DNMT1: variants seen among roughly 807,000 people sequenced by gnomAD.
The protein encoded by DNMT1 is DNA methyltransferase 1, also known as DNA (cytosine-5)-methyltransferase 1.
In DNMT1, 24 loss-of-function variants were observed where a neutral mutation model predicts 205.3. The ratio of observed to expected loss-of-function variants is 0.12; its 90% confidence interval spans 0.08 to 0.16. The LOEUF (loss-of-function observed/expected upper bound fraction) is 0.16, where lower values mean the gene tolerates loss of function less well. DNMT1 is among the 10% of genes least tolerant of loss of function. The pLI is 1.00. For missense variants in DNMT1, 1,293 were observed against 2,177.7 expected (o/e 0.59, Z 8.09); for synonymous variants, 817 against 839.8 (o/e 0.97, Z 0.47).
chr19:10,182,391 ATG>A (rs1328694591), intron 1 of DNMT1, among the ~76,000 whole-genome samples: 13 of 88,622 alleles, frequency 1.5e-4, no homozygotes, highest in Admixed American at 1.1e-3. Flanking sequence ...ATACATATAT[ATG>A]TGTATATATA....
At position 10,149,478 on chromosome 19, in the gene DNMT1, G is replaced by A. The variant is rs1177086967; in HGVS notation, c.2561C>T (p.Ala854Val). Residue 854 changes from alanine (A) to valine (V), a missense_variant, in exon 26 of 41, where the codon GCC (alanine) becomes GTC (valine). Ala to Val is a moderately conservative substitution (Grantham distance 64). This residue lies in a region of DNMT1 where 197 missense variants were observed against 353.6 expected (regional missense o/e 0.56). Coordinates refer to ENST00000359526, the MANE Select transcript of DNMT1 (RefSeq NM_001130823.3). ...IHSKVKVIYKAPSENWAMEGG... is the reference protein window; with the variant it reads ...IHSKVKVIYKVPSENWAMEGG... Reference sequence around the variant, plus strand: ...CTCCATGGCCCAGTTTTCGGAGGGGGCTTTGTAGATGACTTTCACTTTGCT... The same window carrying A: ...CTCCATGGCCCAGTTTTCGGAGGGGACTTTGTAGATGACTTTCACTTTGCT... 1 of 1,614,014 alleles carries A rather than the reference G, an allele frequency of 6.2e-7. No homozygotes were observed. The highest frequency in any genetic ancestry group is 8.5e-7 in the Non-Finnish European group (1 of 1,180,012).
rs892069897 is a variant in DNMT1 at position 10,161,342 on chromosome 19, T to C, written c.1009-924A>G. 1.1e-4 allele frequency among the ~76,000 whole-genome samples: 16 copies of C among 150,260 alleles called. No homozygotes were observed. The East Asian group carries it at 3.0e-3, about 28-fold the overall frequency. The stretch of plus-strand genomic sequence containing the variant: ...ATAAGTAAATAAATAAATAAATAAA[T>C]AAATAAATAAATAAATAAATAACTG... On this transcript the variant is annotated intron_variant, in intron 13 of 40. Transcript: ENST00000359526.
chr19:10,187,737 A>G (rs1388177893), intron 1 of DNMT1, among the ~76,000 whole-genome samples: 1 of 151,138 alleles, frequency 6.6e-6, no homozygotes, highest in African/African-American at 2.4e-5. Context: ...GTGTGGTGGC[A>G]TGCACCTATA....
rs905221708 is a variant in DNMT1, at chr19:10,156,673, G to A, written c.1281-164C>T. 2.6e-5 allele frequency among the ~76,000 whole-genome samples: 4 copies of A among 152,186 alleles called. No individual in the cohort carries two copies. The highest frequency in any genetic ancestry group is 2.9e-5 in the Non-Finnish European group (2 of 67,994). Reference sequence around the variant, plus strand: ...TGCTCTATCCCTCAGGCTGGAGCGCGATGGCATAATCTTGGCTCACTGCAG... The same window carrying A: ...TGCTCTATCCCTCAGGCTGGAGCGCAATGGCATAATCTTGGCTCACTGCAG... On this transcript the variant is annotated intron_variant, in intron 17 of 40. Coordinates refer to ENST00000359526, the MANE Select transcript of DNMT1 (RefSeq NM_001130823.3). This position sits in a 1 kb window ranked among gnomAD's most constrained non-coding sequence, Gnocchi z 4.2.
chr19:10,167,866 C>G (rs1274941910), intron 10 of DNMT1, among the ~76,000 whole-genome samples: 1 of 151,938 alleles, frequency 6.6e-6, no homozygotes, highest in African/African-American at 2.4e-5. Flanking sequence ...AACTTCACCC[C>G]GTAATCCCAG....
In DNMT1 at chr19:10,156,590, C is replaced by A. The variant is rs10423341; in HGVS notation, c.1281-81G>T. 0.11 allele frequency: 105,449 copies of A among 981,090 alleles called. 9,233 individuals are homozygous for A. The highest frequency in any genetic ancestry group is 0.37 in the East Asian group (14,995 of 41,082). The allele number at this position is 981,090 out of a possible 1,614,324, so 60.8% of individuals were successfully genotyped here. On this transcript the variant is annotated intron_variant, in intron 17 of 40. Coordinates refer to ENST00000359526, the MANE Select transcript of DNMT1 (RefSeq NM_001130823.3). This position sits in a 1 kb window ranked among gnomAD's most constrained non-coding sequence, Gnocchi z 4.2. ...TGCAGACTTCAGATCAGGCACGAGG[C>A]AATGAGAGAATGTACAAGTCTGACA... is the stretch of plus-strand genomic sequence containing the variant.
In DNMT1 at chr19:10,177,393, A is replaced by G. The variant is rs746135351; in HGVS notation, c.494-26T>C. ...CTGTTTAAAGAAGAAAAAGCATTAA[A>G]AAGAAAAAAAAAAGCCACTATCAAT... On this transcript the variant is annotated intron_variant, in intron 5 of 40. Coordinates refer to ENST00000359526, the MANE Select transcript of DNMT1 (RefSeq NM_001130823.3). The G allele has an allele frequency of 4.4e-5, 70 of 1,605,592 alleles. No homozygotes were observed. The South Asian group carries it at 6.8e-4, about 15-fold the overall frequency.
rs760739305 is a variant in DNMT1 at position 10,194,801 on chromosome 19, TC to T, written c.80+18del. Reference sequence around the variant, plus strand: ...CCTGCCTGTCCCCCTGAGTCCGTGTTCCCCCCCATGGTACCTACCGCCTGCG... The same window carrying T: ...CCTGCCTGTCCCCCTGAGTCCGTGTTCCCCCCATGGTACCTACCGCCTGCG... On this transcript the variant is annotated intron_variant, in intron 1 of 40. Transcript: ENST00000359526. 3.1e-6 allele frequency: 5 copies of T among 1,609,374 alleles called. No homozygotes were observed. The highest frequency in any genetic ancestry group is 1.7e-5 in the Admixed American group (1 of 59,774).
chr19:10,142,528 T>A (rs902271145), intron 29 of DNMT1, among the ~76,000 whole-genome samples: 1 of 145,392 alleles, frequency 6.9e-6, no homozygotes, highest in Non-Finnish European at 1.5e-5. Context: ...CCCCTCCCAG[T>A]AAGGGAATCA....
rs530175826 is a variant in DNMT1, at chr19:10,169,606, AC to A, written c.769-1243del. On this transcript the variant is annotated intron_variant, in intron 9 of 40. Coordinates refer to ENST00000359526, the MANE Select transcript of DNMT1 (RefSeq NM_001130823.3). ...AAATAACCCCGTCTCTACTAAAAAT[AC>A]AAAAAAAAATTAGCCTGGCGTGGTA... 5.3e-5 allele frequency among the ~76,000 whole-genome samples: 8 copies of A among 151,598 alleles called. No homozygotes were observed. In the South Asian group the frequency reaches 1.7e-3, roughly 32 times the overall value.
chr19:10,143,742 G>A, intron 29 of DNMT1, 24 bp downstream of exon 29: 1 of 1,611,680 alleles, frequency 6.2e-7, no homozygotes, highest in Non-Finnish European at 8.5e-7. Flanking sequence ...GTGGCCTCGT[G>A]GAAGAACAGA....
chr19:10,151,333 TACTAGAGG>T lies in DNMT1; in HGVS notation c.2265+57_2265+64del. 6.2e-7 allele frequency: 1 copy of T among 1,601,762 alleles called. No individual in the cohort carries two copies. The highest frequency in any genetic ancestry group is 8.5e-7 in the Non-Finnish European group (1 of 1,179,164). On this transcript the variant is annotated intron_variant, in intron 24 of 40. Transcript: ENST00000359526. This position sits in a 1 kb window ranked among gnomAD's most constrained non-coding sequence, Gnocchi z 5.0. ...TGCCTGAGAGGTCAGGTTGGCGAGA[TACTAGAGG>T]GCAACCTGCTTATTGGGAACATGGC...
At chr19:10,168,209 C>T in intron 10 of DNMT1, 121 bp downstream of exon 10, 2 of 1,127,018 alleles carry the variant, frequency 1.8e-6, no homozygotes, top group Non-Finnish European at 2.7e-6. Flanking sequence ...GCAGAACTTG[C>T]CCACATAAGA....
At chr19:10,191,095 C>A (rs2039296007) in intron 1 of DNMT1, among the ~76,000 whole-genome samples, 1 of 151,332 alleles carries the variant, frequency 6.6e-6, no homozygotes, top group African/African-American at 2.4e-5. Flanking sequence ...GCCTGGGCGA[C>A]AGAGCAAGGC....
In DNMT1 at chr19:10,177,371, T is replaced by C. The variant is rs771193203; in HGVS notation, c.494-4A>G. The C allele has an allele frequency of 1.2e-6, 2 of 1,612,598 alleles. No individual in the cohort carries two copies. Among genetic ancestry groups the C allele is most frequent in the East Asian group, 2.2e-5 (1 of 44,874 alleles). On this transcript the variant is annotated splice_polypyrimidine_tract_variant and splice_region_variant and intron_variant, in intron 5 of 40. Coordinates refer to ENST00000359526, the MANE Select transcript of DNMT1 (RefSeq NM_001130823.3). ...CTGGGGCTAGGTGAAGGTTCAGCTG[T>C]TTAAAGAAGAAAAAGCATTAAAAAG...
intron 1 of DNMT1, among the ~76,000 whole-genome samples, chr19:10,184,872 T>C (rs990608913): frequency 1.3e-5 from 2 of 152,192 alleles, no homozygotes; most frequent in African/African-American, 4.8e-5. Context: ...TGCTCAGTTA[T>C]CATTTGCCTG....
At chr19:10,168,832 G>A (rs945022136) in intron 9 of DNMT1, among the ~76,000 whole-genome samples, 1 of 152,040 alleles carries the variant, frequency 6.6e-6, no homozygotes, top group Admixed American at 6.6e-5. Flanking sequence ...CTCTGAGACT[G>A]CATTTATTCA....
At chr19:10,162,558 C>T in intron 13 of DNMT1, 109 bp downstream of exon 13, 1 of 1,198,812 alleles carries the variant, frequency 8.3e-7, no homozygotes, top group South Asian at 1.4e-5. Flanking sequence ...GCGTGCGCCA[C>T]CACGCCCAGT....
intron 11 of DNMT1, among the ~76,000 whole-genome samples, chr19:10,165,553 C>T (rs1334059461): frequency 6.6e-6 from 1 of 152,090 alleles, no homozygotes; most frequent in Non-Finnish European, 1.5e-5. Context: ...CCACCATGCC[C>T]GGCTAATTTT....
Sources: gnomAD v4.1 joint callset for allele counts (sites outside exome capture counted in the v4.1 genomes callset) on GRCh38, gnomAD v4.1.1 for gene constraint, gnomAD v4.1.1 regional missense constraint, Gnocchi (gnomAD v3.1) non-coding constraint, MANE v1.5 for transcripts, NCBI Gene and HGNC (gene_info 2026-07-23, HGNC 2026-07-21) for gene names.